CAMK4: variants seen among roughly 807,000 people sequenced by gnomAD.
CAMK4 encodes calcium/calmodulin-dependent protein kinase type IV.
CAMK4 carries 22 observed loss-of-function variants against 44.9 expected under a neutral mutation model. The observed-to-expected ratio is 0.49, with a 90% CI of 0.35 to 0.70. The LOEUF is 0.70. Among genes scored for constraint, CAMK4 ranks in the 30% least tolerant of loss-of-function variants. The pLI, the probability that CAMK4 is intolerant of heterozygous loss-of-function variation, is 0.01. For synonymous variants in CAMK4, 218 were observed against 215.4 expected (o/e 1.01, Z -0.11); for missense variants, 498 against 586.8 (o/e 0.85, Z 1.56).
chr5:111,312,341 G>A (rs918684551), intron 1 of CAMK4, among the ~76,000 whole-genome samples: 2 of 152,146 alleles, frequency 1.3e-5, no homozygotes, highest in African/African-American at 2.4e-5. Context: ...CTTATTAATT[G>A]TATGACCTTG....
chr5:111,460,265 C>CTTTTTTTTTTTTTTTTTTTTTT lies in CAMK4; in HGVS notation c.625+11067_625+11068insTTTTTTTTTTTTTTTTTTTTTT, dbSNP rs200566906. On this transcript the variant is annotated intron_variant, in intron 7 of 10. Transcript: ENST00000282356. Reference sequence around the variant, plus strand: ...TAATGTTTTTCTTTTCTTTTCTTTTCTTTTTCTTTTTTTTTTTTTTGAGGC... The same window carrying CTTTTTTTTTTTTTTTTTTTTTT: ...TAATGTTTTTCTTTTCTTTTCTTTTCTTTTTTTTTTTTTTTTTTTTTTTTTTTCTTTTTTTTTTTTTTGAGGC... 4.1e-5 allele frequency among the ~76,000 whole-genome samples: 5 copies of CTTTTTTTTTTTTTTTTTTTTTT among 122,714 alleles called. 2 individuals carry two copies. The highest frequency in any genetic ancestry group is 2.6e-4 in the Admixed American group (3 of 11,710). The allele number at this position is 122,714 out of a possible 152,430, so 80.5% of individuals were successfully genotyped here.
chr5:111,441,853 A>G (rs772974544), intron 5 of CAMK4, among the ~76,000 whole-genome samples: 1 of 152,198 alleles, frequency 6.6e-6, no homozygotes, highest in African/African-American at 2.4e-5. Flanking sequence ...TCAGCTCTAT[A>G]GATAGCATTA....
At chr5:111,402,967 T>C (rs1473432260) in intron 5 of CAMK4, among the ~76,000 whole-genome samples, 1 of 152,238 alleles carries the variant, frequency 6.6e-6, no homozygotes, top group Non-Finnish European at 1.5e-5. Flanking sequence ...TTATATGCCC[T>C]GTTACTTGAA....
At chr5:111,409,027 G>T (rs1191307539) in intron 5 of CAMK4, among the ~76,000 whole-genome samples, 12 of 152,206 alleles carry the variant, frequency 7.9e-5, no homozygotes, top group Non-Finnish European at 1.5e-5. Context: ...TTGAGTGTCT[G>T]TGGCTTTTCC....
intron 5 of CAMK4, among the ~76,000 whole-genome samples, chr5:111,424,778 G>T (rs577255204): frequency 1.5e-4 from 23 of 152,068 alleles, no homozygotes; most frequent in Admixed American, 8.5e-4. Context: ...TCAGGAGTAG[G>T]TGGGAATAGT....
intron 5 of CAMK4, among the ~76,000 whole-genome samples, chr5:111,418,082 A>G (rs1413819488): frequency 6.6e-6 from 1 of 152,084 alleles, no homozygotes; most frequent in East Asian, 1.9e-4. Flanking sequence ...ATCTGCCCCC[A>G]TATTCACGTA....
intron 5 of CAMK4, among the ~76,000 whole-genome samples, chr5:111,402,387 C>G (rs1308319812): frequency 6.6e-6 from 1 of 152,176 alleles, no homozygotes; most frequent in Non-Finnish European, 1.5e-5. Context: ...TCATAGTCTA[C>G]TAAAGTGCAT....
chr5:111,493,353 A>AATG lies in CAMK4; in HGVS notation c.*8890_*8892dup, dbSNP rs1429034472. ...AGGTCTCCACTGACAAAACAGAGTA[A>AATG]ATGATAGTATGACAGATAATTTCAA... On this transcript the variant is annotated 3_prime_UTR_variant, in exon 11 of 11. Transcript: ENST00000282356. This position sits in a 1 kb window ranked among gnomAD's most constrained non-coding sequence, Gnocchi z 4.1. 1 of 152,210 alleles carries AATG rather than the reference A, an allele frequency of 6.6e-6. No homozygotes were observed. The allele number at this position is 152,210 out of a possible 1,614,324, so 9.4% of individuals were successfully genotyped here. A position where few individuals can be genotyped will look rare whatever the true frequency, so the allele number is the denominator to read the frequency against.
chr5:111,380,288 T>C (rs1751365434), intron 4 of CAMK4, among the ~76,000 whole-genome samples: 2 of 152,100 alleles, frequency 1.3e-5, no homozygotes, highest in African/African-American at 4.8e-5. Flanking sequence ...TTGTAAACAT[T>C]GTCATGGGTT....
At chr5:111,358,566 T>A (rs1750469486) in intron 2 of CAMK4, among the ~76,000 whole-genome samples, 1 of 152,070 alleles carries the variant, frequency 6.6e-6, no homozygotes, top group Non-Finnish European at 1.5e-5. Flanking sequence ...TTTCTTTTTT[T>A]TTTTTTAACT....
intron 5 of CAMK4, among the ~76,000 whole-genome samples, chr5:111,422,213 C>T (rs1458550900): frequency 6.6e-6 from 1 of 152,224 alleles, no homozygotes; most frequent in Non-Finnish European, 1.5e-5. Context: ...ATGACACAAA[C>T]TTGCTACTTC....
intron 1 of CAMK4, among the ~76,000 whole-genome samples, chr5:111,255,129 T>C (rs991147261): frequency 1.3e-5 from 2 of 152,186 alleles, no homozygotes; most frequent in African/African-American, 2.4e-5. Context: ...CCTGGTGTAA[T>C]TGAAGTACAT....
At chr5:111,348,016 C>T (rs2112763429) in intron 2 of CAMK4, among the ~76,000 whole-genome samples, 1 of 151,868 alleles carries the variant, frequency 6.6e-6, no homozygotes, top group East Asian at 1.9e-4. Flanking sequence ...GAAAGATTTC[C>T]TCAGACTGTC....
At chr5:111,260,960 TA>T (rs995569304) in intron 1 of CAMK4, among the ~76,000 whole-genome samples, 5 of 152,200 alleles carry the variant, frequency 3.3e-5, no homozygotes, top group African/African-American at 1.2e-4. Flanking sequence ...TCATAGTTCT[TA>T]AGACAGTTTA....
At chr5:111,343,749 C>T (rs943723290) in intron 1 of CAMK4, among the ~76,000 whole-genome samples, 3 of 151,682 alleles carry the variant, frequency 2.0e-5, no homozygotes, top group Non-Finnish European at 2.9e-5. Context: ...TATTCCAGAG[C>T]CTTCTCAATG....
At chr5:111,360,359 G>T (rs1292688752) in intron 2 of CAMK4, among the ~76,000 whole-genome samples, 1 of 152,040 alleles carries the variant, frequency 6.6e-6, no homozygotes, top group Non-Finnish European at 1.5e-5. Context: ...ACTGCCAGAT[G>T]CTGTCTGCAG....
At chr5:111,299,162 G>T (rs1197217402) in intron 1 of CAMK4, among the ~76,000 whole-genome samples, 1 of 152,242 alleles carries the variant, frequency 6.6e-6, no homozygotes, top group Non-Finnish European at 1.5e-5. Flanking sequence ...TCAGGAGTAG[G>T]CCAAGGCGAC....
chr5:111,363,100 A>C (rs968639107), intron 2 of CAMK4, among the ~76,000 whole-genome samples: 10 of 152,206 alleles, frequency 6.6e-5, no homozygotes, highest in African/African-American at 2.2e-4. Flanking sequence ...CAGGAGTATC[A>C]GTACTTGCTG....
chr5:111,468,578 C>G (rs1380480644), intron 7 of CAMK4, among the ~76,000 whole-genome samples: 1 of 152,136 alleles, frequency 6.6e-6, no homozygotes, highest in Non-Finnish European at 1.5e-5. Flanking sequence ...GGTGCTAGAG[C>G]CTGAACTTTA....
Sources: allele counts gnomAD v4.1 joint callset (sites outside exome capture counted in the v4.1 genomes callset), GRCh38; gene constraint gnomAD v4.1.1; non-coding constraint Gnocchi (gnomAD v3.1); transcripts MANE v1.5; gene names NCBI Gene and HGNC (gene_info 2026-07-23, HGNC 2026-07-21).